WDFY4: variants seen among roughly 807,000 people sequenced by gnomAD.
WDFY4 encodes WD repeat- and FYVE domain-containing protein 4.
In WDFY4, 169 loss-of-function variants were observed where a neutral mutation model predicts 351.9. The observed-to-expected ratio is 0.48, with a 90% CI of 0.42 to 0.55. The LOEUF (loss-of-function observed/expected upper bound fraction) is 0.55, where lower values mean the gene tolerates loss of function less well. WDFY4 is among the 20% of genes least tolerant of loss of function. The pLI, the probability that WDFY4 is intolerant of heterozygous loss-of-function variation, is 0.00. For synonymous variants in WDFY4, 1,622 were observed against 1,574.6 expected (o/e 1.03, Z -0.71); for missense variants, 3,803 against 3,935.6 (o/e 0.97, Z 0.90).
chr10:48,900,417 C>T (rs1271388052), intron 46 of WDFY4, 111 bp downstream of exon 46: 37 of 1,011,538 alleles, frequency 3.7e-5, no homozygotes, highest in Non-Finnish European at 4.3e-5. Flanking sequence ...CCACAGTGAA[C>T]GCCACTCAGG....
At chr10:48,796,225 TG>T in intron 23 of WDFY4, 72 bp from the exon 24 acceptor site, 1 of 1,484,190 alleles carries the variant, frequency 6.7e-7, no homozygotes, top group East Asian at 2.5e-5. Flanking sequence ...CAGACTGGAC[TG>T]GGACAAGTGG....
At chr10:48,739,944 G>A (rs1179911109) in intron 11 of WDFY4, among the ~76,000 whole-genome samples, 1 of 152,128 alleles carries the variant, frequency 6.6e-6, no homozygotes, top group Non-Finnish European at 1.5e-5. Flanking sequence ...GAATTGGGAG[G>A]GGGTTCCTTG....
chr10:48,881,970 C>T lies in WDFY4; in HGVS notation c.7167+4771C>T, dbSNP rs140879189. 2.4e-4 allele frequency among the ~76,000 whole-genome samples: 37 copies of T among 152,338 alleles called. No individual in the cohort carries two copies. In the East Asian group the frequency reaches 3.3e-3, roughly 13 times the overall value. On this transcript the variant is annotated intron_variant, in intron 43 of 61. Transcript: ENST00000325239. ...CCTGACTGATGATTTCTGAGCCTTC[C>T]TATGGTTTCTCTGAAGGCAAGGAGA...
chr10:48,702,906 T>C (rs2063519861), intron 1 of WDFY4, among the ~76,000 whole-genome samples: 1 of 152,200 alleles, frequency 6.6e-6, no homozygotes, highest in South Asian at 2.1e-4. Context: ...TGATTGCTTG[T>C]TGAAGACATA....
chr10:48,774,372 C>A, intron 13 of WDFY4, 86 bp from the exon 14 acceptor site: 1 of 1,396,852 alleles, frequency 7.2e-7, no homozygotes, highest in Non-Finnish European at 9.9e-7. Context: ...TTCCACAACT[C>A]ACCCCAGGCC....
At chr10:48,709,007 ACCC>A (rs71026222) in intron 1 of WDFY4, among the ~76,000 whole-genome samples, 1 of 144,696 alleles carries the variant, frequency 6.9e-6, no homozygotes, top group Non-Finnish European at 1.5e-5. Flanking sequence ...AACAAACAAC[ACCC>A]CCCCCCCCCA....
intron 23 of WDFY4, among the ~76,000 whole-genome samples, chr10:48,792,353 T>A (rs1337391504): frequency 6.6e-6 from 1 of 152,198 alleles, no homozygotes; most frequent in Admixed American, 6.5e-5. Flanking sequence ...GCACCCACAC[T>A]GGAATGCTCA....
intron 1 of WDFY4, among the ~76,000 whole-genome samples, chr10:48,700,230 G>C (rs2063441348): frequency 6.6e-6 from 1 of 152,200 alleles, no homozygotes; most frequent in Non-Finnish European, 1.5e-5. Flanking sequence ...CCACAGGAAA[G>C]CCTGGAGGCT....
chr10:48,700,923 GTAACA>G (rs199948375), intron 1 of WDFY4, among the ~76,000 whole-genome samples: 2,483 of 152,240 alleles, frequency 0.016, 36 homozygotes, highest in Middle Eastern at 0.061. Context: ...CAATCTATAA[GTAACA>G]TAACATAAGA....
intron 39 of WDFY4, among the ~76,000 whole-genome samples, chr10:48,860,425 C>T (rs1256337626): frequency 6.6e-6 from 1 of 152,208 alleles, no homozygotes; most frequent in Non-Finnish European, 1.5e-5. Context: ...AGGCTGCCTT[C>T]TTGCTGTATC....
At chr10:48,798,033 T>TG (rs1193241239) in intron 24 of WDFY4, among the ~76,000 whole-genome samples, 11 of 152,052 alleles carry the variant, frequency 7.2e-5, no homozygotes, top group Non-Finnish European at 1.3e-4. Context: ...GGACAGCAGG[T>TG]GAAAAAGTCG....
chr10:48,800,463 A>C (rs2067028673), intron 24 of WDFY4, among the ~76,000 whole-genome samples: 2 of 151,922 alleles, frequency 1.3e-5, no homozygotes, highest in Admixed American at 1.3e-4. Flanking sequence ...TGGGTACAGG[A>C]GATTGTTGAA....
chr10:48,712,650 T>A (rs921012912), intron 2 of WDFY4, among the ~76,000 whole-genome samples: 1 of 152,164 alleles, frequency 6.6e-6, no homozygotes, highest in African/African-American at 2.4e-5. Context: ...AGATGGGAGA[T>A]TTTTCTCAGG....
intron 51 of WDFY4, among the ~76,000 whole-genome samples, chr10:48,951,447 C>T (rs971429510): frequency 1.3e-5 from 2 of 152,096 alleles, no homozygotes; most frequent in Non-Finnish European, 2.9e-5. Context: ...CATGGTCTTG[C>T]TCTGTCACTC....
At chr10:48,768,723 A>AAGAGAGAGAGAGAGAGAGAG (rs71026224) in intron 13 of WDFY4, among the ~76,000 whole-genome samples, 34 of 141,070 alleles carry the variant, frequency 2.4e-4, no homozygotes, top group South Asian at 1.2e-3. Context: ...GGGAGAGGAG[A>AAGAGAGAGAGAGAGAGAGAG]AGAGAGAGAG....
rs112739298 is a variant in WDFY4, at chr10:48,761,387, G to T, written c.2553+947G>T. On this transcript the variant is annotated intron_variant, in intron 13 of 61. Coordinates refer to ENST00000325239, the MANE Select transcript of WDFY4 (RefSeq NM_001394531.1). ...TGGTGGAGAATGGACAGGGAATGAG[G>T]GTTGAGAGGAAGAGGCAAGGGGCAA... Among the ~76,000 whole-genome samples, 134 of 152,294 alleles carry T rather than the reference G, an allele frequency of 8.8e-4. 1 individual carries two copies. Among genetic ancestry groups the T allele is most frequent in the African/African-American group, 3.1e-3 (128 of 41,556 alleles).
chr10:48,914,852 C>T (rs1838361391), intron 47 of WDFY4, among the ~76,000 whole-genome samples: 1 of 152,192 alleles, frequency 6.6e-6, no homozygotes, highest in South Asian at 2.1e-4. Flanking sequence ...CCATAACTCC[C>T]CATCATGAGC....
intron 13 of WDFY4, among the ~76,000 whole-genome samples, chr10:48,764,548 C>T (rs1171271478): frequency 1.3e-5 from 2 of 152,210 alleles, no homozygotes; most frequent in African/African-American, 2.4e-5. Flanking sequence ...AGAGCTCTGA[C>T]CAGTATTGGA....
intron 47 of WDFY4, among the ~76,000 whole-genome samples, chr10:48,902,446 G>A (rs1438874303): frequency 6.6e-6 from 1 of 152,094 alleles, no homozygotes; most frequent in Admixed American, 6.5e-5. Flanking sequence ...AATAGAAGAA[G>A]GTGGTAGCTG....
Sources: gnomAD v4.1 joint callset for allele counts (sites outside exome capture counted in the v4.1 genomes callset) on GRCh38, gnomAD v4.1.1 for gene constraint, MANE v1.5 for transcripts, NCBI Gene and HGNC (gene_info 2026-07-23, HGNC 2026-07-21) for gene names.